The following UCHL3 variants were observed in gnomAD, a reference collection of about 807,000 sequenced individuals.
UCHL3 encodes ubiquitin carboxyl-terminal hydrolase isozyme L3.
In UCHL3, 22 loss-of-function variants were observed where a neutral mutation model predicts 35.8. The ratio of observed to expected loss-of-function variants is 0.61; its 90% CI spans 0.44 to 0.88. The LOEUF is 0.88. Among genes scored for constraint, UCHL3 ranks in the 40% least tolerant of loss-of-function variants. The probability of loss-of-function intolerance (pLI) is 0.00; values close to 1 mark genes in which losing one functional copy is unlikely to be tolerated. For synonymous variants in UCHL3, 90 were observed against 92.8 expected (o/e 0.97, Z 0.17); for missense variants, 229 against 276.9 (o/e 0.83, Z 1.23).
At chr13:75,551,644 C>G (rs1012606817) in intron 2 of UCHL3, among the ~76,000 whole-genome samples, 3 of 152,138 alleles carry the variant, frequency 2.0e-5, no homozygotes, top group African/African-American at 7.2e-5. Context: ...TGTTGCAAAG[C>G]TGGTTCACCA....
intron 6 of UCHL3, among the ~76,000 whole-genome samples, chr13:75,582,009 G>C (rs557849221): frequency 6.6e-6 from 1 of 152,168 alleles, no homozygotes; most frequent in Non-Finnish European, 1.5e-5. Flanking sequence ...TGATGGGCGA[G>C]TGACCTTGCA....
upstream of UCHL3, chr13:75,549,779 A>C (rs1461370808): frequency 1.9e-6 from 2 of 1,065,102 alleles, no homozygotes; most frequent in East Asian, 9.0e-5. Context: ...GGCGGCGGCG[A>C]AGGCGGCGGC....
chr13:75,590,177 CTT>C (rs35178906), intron 6 of UCHL3: 647 of 1,129,150 alleles, frequency 5.7e-4, no homozygotes, highest in South Asian at 2.7e-3. Flanking sequence ...CAAGGGCTGT[CTT>C]TTTTTTTTTT....
intron 7 of UCHL3, among the ~76,000 whole-genome samples, chr13:75,595,918 T>G (rs902753405): frequency 2.0e-5 from 3 of 152,092 alleles, no homozygotes; most frequent in Non-Finnish European, 2.9e-5. Context: ...TATTATGACT[T>G]CTTCTTATTC....
At position 75,561,869 on chromosome 13, in the gene UCHL3, A is replaced by G. The variant is rs192707816; in HGVS notation, c.183+988A>G. Among the ~76,000 whole-genome samples, 42 of 150,552 alleles carry G rather than the reference A, an allele frequency of 2.8e-4. 1 individual carries two copies. Among genetic ancestry groups the G allele is most frequent in the African/African-American group, 9.6e-4 (39 of 40,808 alleles). Reference sequence around the variant, plus strand: ...CGTATACATACGTATACATATATACATACGTATATACGTATACATATATAC... The same window carrying G: ...CGTATACATACGTATACATATATACGTACGTATATACGTATACATATATAC... On this transcript the variant is annotated intron_variant, in intron 3 of 8. Coordinates refer to ENST00000377595, the MANE Select transcript of UCHL3 (RefSeq NM_006002.5).
upstream of UCHL3, chr13:75,549,780 A>C (rs1593966017): frequency 9.4e-7 from 1 of 1,065,860 alleles, no homozygotes; most frequent in Non-Finnish European, 1.2e-6. Context: ...GCGGCGGCGA[A>C]GGCGGCGGCT....
chr13:75,554,474 A>G (rs1381137627), intron 2 of UCHL3, among the ~76,000 whole-genome samples: 3 of 152,164 alleles, frequency 2.0e-5, no homozygotes, highest in East Asian at 1.9e-4. Flanking sequence ...TTGATCTGCA[A>G]CTCTTATGGA....
chr13:75,602,434 C>A (rs191644406), intron 7 of UCHL3, among the ~76,000 whole-genome samples: 1 of 152,162 alleles, frequency 6.6e-6, no homozygotes, highest in Non-Finnish European at 1.5e-5. Context: ...TGGCACAGCC[C>A]GTTTGGACTG....
At chr13:75,563,312 A>ATT (rs1450668227) in intron 3 of UCHL3, among the ~76,000 whole-genome samples, 2 of 152,048 alleles carry the variant, frequency 1.3e-5, no homozygotes, top group Admixed American at 1.3e-4. Context: ...AGTAGCTGGG[A>ATT]TTTCAGGCGT....
intron 6 of UCHL3, among the ~76,000 whole-genome samples, chr13:75,585,324 G>A (rs2032294226): frequency 6.6e-6 from 1 of 152,154 alleles, no homozygotes; most frequent in South Asian, 2.1e-4. Context: ...GAAAAAGACA[G>A]AGTAGATACT....
chr13:75,560,992 G>A (rs369265519), intron 3 of UCHL3, 111 bp downstream of exon 3: 1 of 1,023,478 alleles, frequency 9.8e-7, no homozygotes, highest in South Asian at 2.1e-5. Context: ...GTGCAGAGGT[G>A]TAATCATGGC....
intron 3 of UCHL3, among the ~76,000 whole-genome samples, chr13:75,561,185 G>C (rs1057090994): frequency 6.6e-6 from 1 of 152,048 alleles, no homozygotes; most frequent in Non-Finnish European, 1.5e-5. Context: ...CTCCCGCATC[G>C]GTCTCCCAAA....
chr13:75,589,605 G>T (rs1268375486), intron 6 of UCHL3, among the ~76,000 whole-genome samples: 2 of 151,974 alleles, frequency 1.3e-5, no homozygotes, highest in East Asian at 3.9e-4. Flanking sequence ...CATGGTTTTT[G>T]TGTGTGTGTT....
chr13:75,605,434 G>C (rs993723509), intron 8 of UCHL3, among the ~76,000 whole-genome samples: 5 of 152,138 alleles, frequency 3.3e-5, no homozygotes, highest in Non-Finnish European at 7.4e-5. Flanking sequence ...CTTGAACCCG[G>C]AAGGCAGAGG....
In UCHL3 at chr13:75,561,808, C is replaced by T. The variant is rs565512108; in HGVS notation, c.183+927C>T. Reference sequence around the variant, plus strand: ...GTGTGTGTATATATGTATACGTATACATACGTATACGTATATACGTACGTA... The same window carrying T: ...GTGTGTGTATATATGTATACGTATATATACGTATACGTATATACGTACGTA... On this transcript the variant is annotated intron_variant, in intron 3 of 8. Coordinates refer to ENST00000377595, the MANE Select transcript of UCHL3 (RefSeq NM_006002.5). Among the ~76,000 whole-genome samples, 11 of 31,578 alleles carry T rather than the reference C, an allele frequency of 3.5e-4. No individual in the cohort carries two copies. The East Asian group carries it at 5.2e-3, about 15-fold the overall frequency. 20.7% of individuals were successfully genotyped at this position (31,578 alleles called of 152,430 possible).
intron 5 of UCHL3, among the ~76,000 whole-genome samples, chr13:75,568,171 C>G (rs2031743654): frequency 6.6e-6 from 1 of 151,916 alleles, no homozygotes; most frequent in African/African-American, 2.4e-5. Context: ...ATCAATTTTT[C>G]TTTTGAAATC....
rs80019912 is a variant in UCHL3 at position 75,593,792 on chromosome 13, G to C, written c.475-1123G>C. ...TATATAAATGTTTTAGAAACATTCT[G>C]TATATCCAAGATAGTAATGTTTATT... On this transcript the variant is annotated intron_variant, in intron 6 of 8. Transcript: ENST00000377595. Among the ~76,000 whole-genome samples, 344 of 152,260 alleles carry C rather than the reference G, an allele frequency of 2.3e-3. 2 individuals carry two copies. Among genetic ancestry groups the C allele is most frequent in the African/African-American group, 7.8e-3 (323 of 41,556 alleles).
intron 5 of UCHL3, 139 bp from the exon 6 acceptor site, chr13:75,569,320 AG>A: frequency 1.8e-6 from 1 of 548,144 alleles, no homozygotes. Flanking sequence ...TTAAATATCT[AG>A]TACTAAGCTT....
At chr13:75,587,743 CA>C in intron 6 of UCHL3, among the ~76,000 whole-genome samples, 1 of 151,968 alleles carries the variant, frequency 6.6e-6, no homozygotes, top group Non-Finnish European at 1.5e-5. Context: ...TCAAAAATGA[CA>C]AAAGAAGAGG....
Sources: gnomAD v4.1 joint callset for allele counts (sites outside exome capture counted in the v4.1 genomes callset) on GRCh38, gnomAD v4.1.1 for gene constraint, MANE v1.5 for transcripts, NCBI Gene and HGNC (gene_info 2026-07-23, HGNC 2026-07-21) for gene names.